GREB1L: variants seen among roughly 807,000 people sequenced by gnomAD.
The protein encoded by GREB1L is GREB1-like protein.
In GREB1L, 17 loss-of-function variants were observed where a neutral mutation model predicts 200.8. That is an observed-to-expected ratio of 0.08 (90% confidence interval 0.06 to 0.13). The LOEUF (loss-of-function observed/expected upper bound fraction) is 0.13. GREB1L is among the 10% of genes least tolerant of loss of function. GREB1L has a pLI of 1.00. For missense variants in GREB1L, 1,657 were observed against 2,367.7 expected (o/e 0.70, Z 6.23); for synonymous variants, 789 against 893.0 (o/e 0.88, Z 2.08).
intron 6 of GREB1L, among the ~76,000 whole-genome samples, chr18:21,402,599 G>A (rs1164398158): frequency 6.7e-6 from 1 of 150,178 alleles, no homozygotes; most frequent in African/African-American, 2.5e-5. Flanking sequence ...GTGGCTCACT[G>A]CAACCTCTCC....
intron 7 of GREB1L, among the ~76,000 whole-genome samples, chr18:21,425,755 A>G (rs1400559131): frequency 6.6e-6 from 1 of 152,126 alleles, no homozygotes; most frequent in Non-Finnish European, 1.5e-5. Flanking sequence ...ATTGATTTAC[A>G]AGAGTTTTTA....
intron 15 of GREB1L, among the ~76,000 whole-genome samples, chr18:21,457,572 A>C (rs1339549786): frequency 2.0e-5 from 3 of 151,938 alleles, no homozygotes; most frequent in African/African-American, 7.3e-5. Flanking sequence ...TCTCTTCCCT[A>C]CCTCTGTTTT....
At chr18:21,431,435 CT>C (rs1426781740) in intron 7 of GREB1L, among the ~76,000 whole-genome samples, 1 of 151,974 alleles carries the variant, frequency 6.6e-6, no homozygotes, top group African/African-American at 2.4e-5. Flanking sequence ...CTTAAATTTT[CT>C]TCTGTTATTG....
At chr18:21,315,776 C>T (rs1426906830) in intron 1 of GREB1L, among the ~76,000 whole-genome samples, 1 of 152,056 alleles carries the variant, frequency 6.6e-6, no homozygotes. Context: ...CCTGGAAGGC[C>T]AGGTTTAAAT....
intron 1 of GREB1L, among the ~76,000 whole-genome samples, chr18:21,317,071 T>C (rs2038881660): frequency 1.3e-5 from 2 of 151,936 alleles, no homozygotes; most frequent in Non-Finnish European, 2.9e-5. Flanking sequence ...CCAGGAGTCT[T>C]CTTTTCTAAT....
intron 1 of GREB1L, among the ~76,000 whole-genome samples, chr18:21,307,861 G>C (rs1430976384): frequency 6.6e-6 from 1 of 152,074 alleles, no homozygotes; most frequent in African/African-American, 2.4e-5. Context: ...TTCCCTATAA[G>C]ACTTTCTCCT....
intron 19 of GREB1L, among the ~76,000 whole-genome samples, chr18:21,492,404 T>C (rs1483236307): frequency 6.6e-6 from 1 of 152,068 alleles, no homozygotes; most frequent in African/African-American, 2.4e-5. Flanking sequence ...AGCAGCACCA[T>C]GCTAAGTCTC....
intron 1 of GREB1L, among the ~76,000 whole-genome samples, chr18:21,341,852 A>G (rs2039274534): frequency 6.6e-6 from 1 of 152,168 alleles, no homozygotes; most frequent in Non-Finnish European, 1.5e-5. Flanking sequence ...CTTCCATGTC[A>G]GTGCAGCCTT....
intron 1 of GREB1L, among the ~76,000 whole-genome samples, chr18:21,246,446 AAT>A (rs1211716121): frequency 2.0e-5 from 3 of 152,312 alleles, no homozygotes; most frequent in Admixed American, 2.0e-4. Context: ...TATTGTTACT[AAT>A]TTAATCAGTG....
At chr18:21,333,092 A>ACACG (rs1462787668) in intron 1 of GREB1L, among the ~76,000 whole-genome samples, 6 of 151,018 alleles carry the variant, frequency 4.0e-5, no homozygotes, top group African/African-American at 1.5e-4. Flanking sequence ...ATACACACAC[A>ACACG]CGCGCGCGCG....
At chr18:21,247,297 G>T (rs2037622075) in intron 1 of GREB1L, among the ~76,000 whole-genome samples, 1 of 152,052 alleles carries the variant, frequency 6.6e-6, no homozygotes, top group Non-Finnish European at 1.5e-5. Flanking sequence ...TCAAGGTTGT[G>T]GTTTCAGATT....
chr18:21,304,017 A>C (rs1598643555), intron 1 of GREB1L, among the ~76,000 whole-genome samples: 1 of 152,040 alleles, frequency 6.6e-6, no homozygotes, highest in Non-Finnish European at 1.5e-5. Flanking sequence ...CATTCTTAAC[A>C]CCTTTTAGTC....
At chr18:21,516,568 G>T in intron 29 of GREB1L, 45 bp from the exon 30 acceptor site, 1 of 1,525,346 alleles carries the variant, frequency 6.6e-7, no homozygotes, top group South Asian at 1.2e-5. Context: ...TATCATGGTT[G>T]AGATATGCCA....
At chr18:21,495,815 C>G in intron 20 of GREB1L, 30 bp downstream of exon 20, 1 of 1,221,280 alleles carries the variant, frequency 8.2e-7, no homozygotes, top group Non-Finnish European at 1.2e-6. Context: ...TTCCATTTTT[C>G]ATCAGTTGCC....
chr18:21,374,112 A>T (rs1319124106), intron 2 of GREB1L, among the ~76,000 whole-genome samples: 2 of 151,672 alleles, frequency 1.3e-5, no homozygotes, highest in Non-Finnish European at 2.9e-5. Context: ...AACAATTCTC[A>T]TGCCTCAGCC....
chr18:21,389,292 T>C (rs1359565158), intron 4 of GREB1L, among the ~76,000 whole-genome samples: 1 of 151,798 alleles, frequency 6.6e-6, no homozygotes, highest in Non-Finnish European at 1.5e-5. Flanking sequence ...TCTCAGTTGG[T>C]TCTCGTGCCA....
chr18:21,330,063 C>A (rs1214955326), intron 1 of GREB1L, among the ~76,000 whole-genome samples: 2 of 151,154 alleles, frequency 1.3e-5, no homozygotes, highest in Non-Finnish European at 2.9e-5. Context: ...TGAAGAAAAA[C>A]CATAATTAAG....
chr18:21,351,713 C>T (rs781430691), intron 1 of GREB1L, among the ~76,000 whole-genome samples: 2 of 152,052 alleles, frequency 1.3e-5, no homozygotes, highest in Non-Finnish European at 2.9e-5. Flanking sequence ...GGTAAGATAA[C>T]GAAAGTTTTC....
chr18:21,368,890 C>G (rs140599426), intron 2 of GREB1L, among the ~76,000 whole-genome samples: 1 of 152,034 alleles, frequency 6.6e-6, no homozygotes, highest in Non-Finnish European at 1.5e-5. Flanking sequence ...CAAAAAAAAC[C>G]TGTAGAAGTA....
Sources: gnomAD v4.1 joint callset for allele counts (sites outside exome capture counted in the v4.1 genomes callset) on GRCh38, gnomAD v4.1.1 for gene constraint, MANE v1.5 for transcripts, NCBI Gene and HGNC (gene_info 2026-07-23, HGNC 2026-07-21) for gene names.